Variants in EMILIN2 observed in about 807,000 individuals in gnomAD.
EMILIN2 encodes the protein elastin microfibril interfacer 2.
EMILIN2 carries 71 observed loss-of-function variants against 87.1 expected under a neutral mutation model. The observed-to-expected ratio is 0.82, with a 90% CI of 0.67 to 0.99. EMILIN2 has a LOEUF of 0.99. Ranked by LOEUF, EMILIN2 falls within the 50% of genes least tolerant of loss-of-function variation. The probability of loss-of-function intolerance (pLI) is 0.00; values close to 1 mark genes in which losing one functional copy is unlikely to be tolerated. For missense variants in EMILIN2, 1,407 were observed against 1,371.8 expected (o/e 1.03, Z -0.40); for synonymous variants, 581 against 563.4 (o/e 1.03, Z -0.44).
chr18:2,879,989 G>A (rs2076768877), intron 2 of EMILIN2, among the ~76,000 whole-genome samples: 1 of 152,198 alleles, frequency 6.6e-6, no homozygotes, highest in African/African-American at 2.4e-5. Context: ...TTGCAGGCAT[G>A]AGCCACTGTG....
chr18:2,854,487 AAC>A (rs141620167), intron 2 of EMILIN2, among the ~76,000 whole-genome samples: 4 of 151,784 alleles, frequency 2.6e-5, no homozygotes, highest in Non-Finnish European at 5.9e-5. Context: ...TGTGGCTTAA[AAC>A]ACACACACAC....
intron 3 of EMILIN2, among the ~76,000 whole-genome samples, chr18:2,888,440 G>A (rs190928661): frequency 1.3e-5 from 2 of 152,080 alleles, no homozygotes; most frequent in East Asian, 3.9e-4. Context: ...TAACGGCCGG[G>A]CGCGGTGGCT....
chr18:2,847,738 C>T lies in EMILIN2; in HGVS notation c.135-71C>T. On this transcript the variant is annotated intron_variant, in intron 1 of 7. Coordinates refer to ENST00000254528, the MANE Select transcript of EMILIN2 (RefSeq NM_032048.3). The surrounding 1 kb of genome is among the most constrained non-coding windows in gnomAD (Gnocchi z 4.5). ...CCCTCGCTCGGTCTGGTGCCGCAGT[C>T]CCCTCTCCCCTGGCCTCATTGTTCT... 1 of 1,555,084 alleles carries T rather than the reference C, an allele frequency of 6.4e-7. No homozygotes were observed. The highest frequency in any genetic ancestry group is 1.8e-5 in the Admixed American group (1 of 54,866).
intron 2 of EMILIN2, among the ~76,000 whole-genome samples, chr18:2,851,864 GCA>G (rs951071346): frequency 1.3e-4 from 20 of 152,276 alleles, no homozygotes; most frequent in African/African-American, 4.8e-4. Context: ...TTTAGTTTCT[GCA>G]ACAGCCCTTC....
Position 2,913,127 on chromosome 18 carries a change from G to C in EMILIN2, c.2885G>C (p.Arg962Thr). Residue 962 changes from arginine (R) to threonine (T), a missense_variant, in exon 8 of 8, where the codon AGA becomes ACA. Physicochemically the swap from Arg to Thr is moderately conservative, Grantham distance 71 (BLOSUM62 -1). Coordinates refer to ENST00000254528, the MANE Select transcript of EMILIN2 (RefSeq NM_032048.3). ...ATCACGGCCACCCTCACCCCCGAGA[G>C]AGACGCCTACGTGGAAGCAGTGCTG... is the stretch of plus-strand genomic sequence containing the variant. ...YLITATLTPE[R>T]DAYVEAVLSV... 1 of 1,613,816 alleles carries C rather than the reference G, an allele frequency of 6.2e-7. No homozygotes were observed. The highest frequency in any genetic ancestry group is 1.1e-5 in the South Asian group (1 of 91,078).
chr18:2,859,195 G>A (rs1162478359), intron 2 of EMILIN2, among the ~76,000 whole-genome samples: 1 of 152,114 alleles, frequency 6.6e-6, no homozygotes, highest in African/African-American at 2.4e-5. Context: ...CAGTGTAGAA[G>A]TGTTCCCTTT....
At chr18:2,874,964 C>A (rs932691208) in intron 2 of EMILIN2, among the ~76,000 whole-genome samples, 1 of 152,172 alleles carries the variant, frequency 6.6e-6, no homozygotes, top group Non-Finnish European at 1.5e-5. Flanking sequence ...TGGGATGTCA[C>A]GGCCACTTCT....
In EMILIN2 at chr18:2,891,281, C is replaced by G; in HGVS notation, c.1154C>G (p.Ala385Gly). Residue 385 changes from alanine (A) to glycine (G), a missense_variant, in exon 4 of 8, where the codon GCC (alanine) becomes GGC (glycine). Coordinates refer to ENST00000254528, the MANE Select transcript of EMILIN2 (RefSeq NM_032048.3). This position sits in a 1 kb window ranked among gnomAD's most constrained non-coding sequence, Gnocchi z 4.6. ...AGAAAAGAAATAAATAACCTCCGAG[C>G]CCGGCTACAGGAGCCTTCAGCCCAG... ...SLRKEINNLR[A>G]RLQEPSAQAN... 6.2e-7 allele frequency: 1 copy of G among 1,614,158 alleles called. No individual in the cohort carries two copies. Among genetic ancestry groups the G allele is most frequent in the Non-Finnish European group, 8.5e-7 (1 of 1,180,028 alleles).
At chr18:2,872,015 G>A (rs1306264721) in intron 2 of EMILIN2, among the ~76,000 whole-genome samples, 2 of 152,210 alleles carry the variant, frequency 1.3e-5, no homozygotes, top group Non-Finnish European at 2.9e-5. Context: ...TTAGAGCAGG[G>A]TTGGGTCTTG....
At chr18:2,856,777 A>G (rs755693689) in intron 2 of EMILIN2, among the ~76,000 whole-genome samples, 1 of 152,058 alleles carries the variant, frequency 6.6e-6, no homozygotes, top group Non-Finnish European at 1.5e-5. Flanking sequence ...CTTAAAAATA[A>G]CAACAAACCA....
chr18:2,888,327 C>T (rs2076813040), intron 3 of EMILIN2, among the ~76,000 whole-genome samples: 1 of 152,160 alleles, frequency 6.6e-6, no homozygotes, highest in African/African-American at 2.4e-5. Flanking sequence ...CCTCAATCTT[C>T]CCCCCTTTGC....
chr18:2,915,836 C>T lies in EMILIN2; in HGVS notation c.*2432C>T, dbSNP rs1193965186. On this transcript the variant is annotated 3_prime_UTR_variant, in exon 8 of 8. Transcript: ENST00000254528. ...CCACGCCCAGCCAAGTTCACAACTT[C>T]TGATATCAAGTTGTTGCTGAGAAAA... 3 of 152,146 alleles carry T rather than the reference C, an allele frequency of 2.0e-5. No individual in the cohort carries two copies. The highest frequency in any genetic ancestry group is 4.4e-5 in the Non-Finnish European group (3 of 68,076). The allele number at this position is 152,146 out of a possible 1,614,324, so 9.4% of individuals were successfully genotyped here. A position where few individuals can be genotyped will look rare whatever the true frequency, so the allele number is the denominator to read the frequency against.
chr18:2,906,648 C>G, intron 4 of EMILIN2, 135 bp from the exon 5 acceptor site: 1 of 679,998 alleles, frequency 1.5e-6, no homozygotes, highest in Non-Finnish European at 2.0e-6. Flanking sequence ...GTCCCGCTGG[C>G]CTGACGTCGC....
At chr18:2,905,355 T>C (rs1441580468) in intron 4 of EMILIN2, among the ~76,000 whole-genome samples, 1 of 151,264 alleles carries the variant, frequency 6.6e-6, no homozygotes. Flanking sequence ...ATTTTTTTAA[T>C]TTTTAGTTGT....
intron 2 of EMILIN2, among the ~76,000 whole-genome samples, chr18:2,879,968 G>C (rs2076768806): frequency 6.6e-6 from 1 of 152,136 alleles, no homozygotes; most frequent in Admixed American, 6.5e-5. Context: ...TGGCCTCCCA[G>C]AGTGCTAGGA....
intron 2 of EMILIN2, among the ~76,000 whole-genome samples, chr18:2,882,154 G>A (rs929417766): frequency 6.6e-6 from 1 of 152,214 alleles, no homozygotes; most frequent in African/African-American, 2.4e-5. Flanking sequence ...TGTGAAAAGG[G>A]GAAAATGTAT....
intron 2 of EMILIN2, among the ~76,000 whole-genome samples, chr18:2,866,206 A>G (rs1222924294): frequency 1.3e-5 from 2 of 152,108 alleles, no homozygotes; most frequent in Admixed American, 6.5e-5. Flanking sequence ...AGTGTGCTGC[A>G]CCCACTGTCC....
Position 2,913,650 on chromosome 18 carries a change from G to T in EMILIN2, c.*246G>T. ...TCTAACTGGACAACTGGAAGACTTGGAAAGGCCTCCACCTGTATCTACACT... is the reference window on the plus strand; with the variant it reads ...TCTAACTGGACAACTGGAAGACTTGTAAAGGCCTCCACCTGTATCTACACT... On this transcript the variant is annotated 3_prime_UTR_variant, in exon 8 of 8. Transcript: ENST00000254528. The T allele has an allele frequency of 2.0e-5, 8 of 390,322 alleles. No individual in the cohort carries two copies. The highest frequency in any genetic ancestry group is 9.5e-5 in the South Asian group (2 of 21,044). The allele number at this position is 390,322 out of a possible 1,614,324, so 24.2% of individuals were successfully genotyped here. A position where few individuals can be genotyped will look rare whatever the true frequency, so the allele number is the denominator to read the frequency against.
chr18:2,864,894 T>G (rs1369273554), intron 2 of EMILIN2, among the ~76,000 whole-genome samples: 1 of 152,192 alleles, frequency 6.6e-6, no homozygotes, highest in Admixed American at 6.5e-5. Context: ...AGTCCCATAT[T>G]TCTTGGAGGC....
Sources: allele counts gnomAD v4.1 joint callset (sites outside exome capture counted in the v4.1 genomes callset), GRCh38; gene constraint gnomAD v4.1.1; non-coding constraint Gnocchi (gnomAD v3.1); transcripts MANE v1.5; gene names NCBI Gene and HGNC (gene_info 2026-07-23, HGNC 2026-07-21).